The following PIGC variants were observed in gnomAD, a reference collection of about 807,000 sequenced individuals.
PIGC encodes phosphatidylinositol glycan anchor biosynthesis class C.
PIGC carries 14 observed loss-of-function variants against 20.9 expected under a neutral mutation model. That is an observed-to-expected ratio of 0.67 (90% CI 0.44 to 1.05). PIGC has a LOEUF of 1.05. Among genes scored for constraint, PIGC ranks in the 50% least tolerant of loss-of-function variants. PIGC has a pLI of 0.00. For synonymous variants in PIGC, 132 were observed against 141.4 expected (o/e 0.93, Z 0.47); for missense variants, 310 against 360.9 (o/e 0.86, Z 1.14).
At position 172,441,697 on chromosome 1, in the gene PIGC, G is replaced by A. The variant is rs1647321240; in HGVS notation, c.*32C>T. The A allele has an allele frequency of 2.0e-5, 30 of 1,500,200 alleles. No homozygotes were observed. Among genetic ancestry groups the A allele is most frequent in the Non-Finnish European group, 2.7e-5 (30 of 1,119,360 alleles). 92.9% of individuals were successfully genotyped at this position (1,500,200 alleles called of 1,614,324 possible). ...TACTAGTTAGGAGGCTAATCTATCA[G>A]CTTGCTTTAATAATGTAATGGATGT... On this transcript the variant is annotated 3_prime_UTR_variant, in exon 2 of 2. Coordinates refer to ENST00000344529, the MANE Select transcript of PIGC (RefSeq NM_153747.2).
rs200105210 is a variant in PIGC, at chr1:172,442,178, T to C, written c.445A>G (p.Ile149Val). ...TLTESVSTDT[I>V]YAMSVFMLLG... ...AGCATGAAGACTGACATGGCATAGATGGTGTCAGTGCTGACAGACTCTGTA... is the reference window on the plus strand; with the variant it reads ...AGCATGAAGACTGACATGGCATAGACGGTGTCAGTGCTGACAGACTCTGTA... Residue 149 changes from isoleucine (I) to valine (V), a missense_variant, in exon 2 of 2, where the codon ATC (isoleucine) becomes GTC (valine). Ile to Val is a conservative substitution (Grantham distance 29). Transcript: ENST00000344529. 2.8e-4 allele frequency: 453 copies of C among 1,613,800 alleles called. 1 individual carries two copies. The highest frequency in any genetic ancestry group is 3.5e-4 in the Non-Finnish European group (417 of 1,179,770).
At chr1:172,443,532 C>G (rs1353975814) in intron 1 of PIGC, 1 of 167,030 alleles carries the variant, frequency 6.0e-6, no homozygotes, top group Non-Finnish European at 1.5e-5. Flanking sequence ...CAAGGAAACT[C>G]TTGAGAGGAT....
rs2149169339 is a variant in PIGC at position 172,442,113 on chromosome 1, A to G, written c.510T>C (p.Ala170=). 1 of 1,614,236 alleles carries G rather than the reference A, an allele frequency of 6.2e-7. No individual in the cohort carries two copies. The highest frequency in any genetic ancestry group is 2.2e-5 in the East Asian group (1 of 44,894). Residue 170 remains alanine (A), a synonymous_variant, in exon 2 of 2, where the codon GCT becomes GCC. Coordinates refer to ENST00000344529, the MANE Select transcript of PIGC (RefSeq NM_153747.2). ...HLIFFDYGAN[A]AIVSSTLSLN... The stretch of plus-strand genomic sequence containing the variant: ...AGGATAGTGTGCTGGATACAATGGC[A>G]GCATTGGCACCATAGTCAAAAAAGA...
intron 1 of PIGC, 199 bp downstream of exon 1, chr1:172,443,789 G>A (rs568953432): frequency 6.2e-4 from 138 of 223,790 alleles, no homozygotes; most frequent in African/African-American, 2.6e-3. Context: ...GGCAGCGCCC[G>A]CCCGCAGAGT....
chr1:172,441,720 T>G lies in PIGC; in HGVS notation c.*9A>C. 1 of 1,529,326 alleles carries G rather than the reference T, an allele frequency of 6.5e-7. No homozygotes were observed. 94.7% of individuals were successfully genotyped at this position (1,529,326 alleles called of 1,614,324 possible). On this transcript the variant is annotated 3_prime_UTR_variant, in exon 2 of 2. Coordinates refer to ENST00000344529, the MANE Select transcript of PIGC (RefSeq NM_153747.2). ...CAGCTTGCTTTAATAATGTAATGGA[T>G]GTCCTAATTTAACTGAGGAACCTGG...
chr1:172,441,870 G>A lies in PIGC; in HGVS notation c.753C>T (p.Ala251=), dbSNP rs570199820. Residue 251 remains alanine (A), a synonymous_variant, in exon 2 of 2, where the codon GCC becomes GCT. Coordinates refer to ENST00000344529, the MANE Select transcript of PIGC (RefSeq NM_153747.2). ...GGLLSISAVG[A]VLFALLLMSI... ...ACATCAGCAGAAGGGCAAAGAGTAC[G>A]GCTCCCACAGCACTAATGGACAGTA... is the stretch of plus-strand genomic sequence containing the variant. 8 of 1,614,134 alleles carry A rather than the reference G, an allele frequency of 5.0e-6. No individual in the cohort carries two copies. Among genetic ancestry groups the A allele is most frequent in the African/African-American group, 2.7e-5 (2 of 75,008 alleles).
chr1:172,441,697 G>T lies in PIGC; in HGVS notation c.*32C>A. The T allele has an allele frequency of 6.7e-7, 1 of 1,500,318 alleles. No individual in the cohort carries two copies. The highest frequency in any genetic ancestry group is 8.9e-7 in the Non-Finnish European group (1 of 1,119,352). 92.9% of individuals were successfully genotyped at this position (1,500,318 alleles called of 1,614,324 possible). ...TACTAGTTAGGAGGCTAATCTATCA[G>T]CTTGCTTTAATAATGTAATGGATGT... On this transcript the variant is annotated 3_prime_UTR_variant, in exon 2 of 2. Coordinates refer to ENST00000344529, the MANE Select transcript of PIGC (RefSeq NM_153747.2).
chr1:172,443,871 G>C (rs1286812607), intron 1 of PIGC, 117 bp downstream of exon 1: 1 of 756,426 alleles, frequency 1.3e-6, no homozygotes, highest in Non-Finnish European at 1.6e-6. Context: ...ACCCCATTTG[G>C]CTTTTTGGGT....
At chr1:172,443,030 T>C (rs1216090254) in intron 1 of PIGC, 200 bp from the exon 2 acceptor site, 2 of 183,368 alleles carry the variant, frequency 1.1e-5, no homozygotes, top group South Asian at 1.5e-4. Context: ...CTATCGCTTA[T>C]TGAGTACCTA....
chr1:172,441,566 C>T lies in PIGC; in HGVS notation c.*163G>A, dbSNP rs910824165. 1.2e-5 allele frequency: 7 copies of T among 567,144 alleles called. No individual in the cohort carries two copies. Among genetic ancestry groups the T allele is most frequent in the Non-Finnish European group, 2.1e-5 (7 of 337,662 alleles). The allele number at this position is 567,144 out of a possible 1,614,324, so 35.1% of individuals were successfully genotyped here. ...TCTACAAAATAACAGAAAGGATAAG[C>T]ACCCTCACCACCCAAGCCTTTGGTT... On this transcript the variant is annotated 3_prime_UTR_variant, in exon 2 of 2. Transcript: ENST00000344529.
rs1193521235 is a variant in PIGC, at chr1:172,442,341, C to A, written c.282G>T (p.Leu94=). The A allele has an allele frequency of 5.6e-6, 9 of 1,613,072 alleles. No homozygotes were observed. In the African/African-American group the frequency reaches 9.3e-5, roughly 17 times the overall value. Residue 94 remains leucine, a synonymous_variant, in exon 2 of 2, where the codon CTG becomes CTT. Coordinates refer to ENST00000344529, the MANE Select transcript of PIGC (RefSeq NM_153747.2). ...TGAGATCAAACAAAACATACCCAAT[C>A]AGTGAAGAAGCCAGACCAGTCCCTA... ...WLLGTGLASS[L]IGYVLFDLID...
At position 172,442,613 on chromosome 1, in the gene PIGC, G is replaced by A; in HGVS notation, c.10C>T (p.Gln4Ter). Residue 4 changes from glutamine (Q) to a stop codon, truncating the protein, a stop_gained, in exon 2 of 2, where the codon CAA becomes TAA. Transcript: ENST00000344529. LOFTEE classifies it high-confidence loss of function. ...ACCTCCTTGGTGTTAGTCACAGGTT[G>A]AGCATACATTATCCTTTCATTCAAA... MYA[Q>*]PVTNTKEVKW... The A allele has an allele frequency of 1.2e-6, 2 of 1,611,206 alleles. No homozygotes were observed. The highest frequency in any genetic ancestry group is 1.1e-5 in the South Asian group (1 of 91,012).
chr1:172,442,605 C>A lies in PIGC; in HGVS notation c.18G>T (p.Val6=). MYAQP[V]TNTKEVKWQK... ...GCCACTTGACCTCCTTGGTGTTAGT[C>A]ACAGGTTGAGCATACATTATCCTTT... Residue 6 remains valine (V), a synonymous_variant, in exon 2 of 2, where the codon GTG becomes GTT. Coordinates refer to ENST00000344529, the MANE Select transcript of PIGC (RefSeq NM_153747.2). 1 of 1,613,082 alleles carries A rather than the reference C, an allele frequency of 6.2e-7. No homozygotes were observed. The highest frequency in any genetic ancestry group is 1.1e-5 in the South Asian group (1 of 91,038).
Position 172,442,356 on chromosome 1 carries a change from A to G in PIGC, c.267T>C (p.Gly89=), listed in dbSNP as rs2230471. The G allele has an allele frequency of 0.85, 1,367,867 of 1,612,940 alleles. 582,100 individuals are homozygous for G. Among genetic ancestry groups the G allele is most frequent in the East Asian group, 1 (44,854 of 44,880 alleles). ...CATACCCAATCAGTGAAGAAGCCAG[A>G]CCAGTCCCTAAAAGCCAATGGGGGG... ...LLAPHWLLGT[G]LASSLIGYVL... is the part of the protein sequence containing the mutation. The change falls in exon 2 of 2, where the codon GGT becomes GGC. Residue 89 remains glycine, a synonymous_variant. Transcript: ENST00000344529.
Position 172,441,849 on chromosome 1 carries a change from C to G in PIGC, c.774G>C (p.Leu258=). The change falls in exon 2 of 2, where the codon CTG becomes CTC. Residue 258 remains leucine, a synonymous_variant. Coordinates refer to ENST00000344529, the MANE Select transcript of PIGC (RefSeq NM_153747.2). ...AVGAVLFALL[L]MSISCLCPFY... ...ATGGACACAGACATGAGATAGACAT[C>G]AGCAGAAGGGCAAAGAGTACGGCTC... The G allele has an allele frequency of 1.2e-6, 2 of 1,614,146 alleles. No homozygotes were observed. Among genetic ancestry groups the G allele is most frequent in the Non-Finnish European group, 1.7e-6 (2 of 1,179,988 alleles).
chr1:172,444,041 C>T lies in PIGC; in HGVS notation c.-262G>A, dbSNP rs1391160408. 16 of 999,870 alleles carry T rather than the reference C, an allele frequency of 1.6e-5. No homozygotes were observed. Among genetic ancestry groups the T allele is most frequent in the African/African-American group, 7.0e-5 (4 of 57,258 alleles). The allele number at this position is 999,870 out of a possible 1,614,324, so 61.9% of individuals were successfully genotyped here. On this transcript the variant is annotated 5_prime_UTR_variant, in exon 1 of 2. Transcript: ENST00000344529. ...GGGACGGCGGCACCCAGCCTTTTTC[C>T]CGCTTCGGGGCGCCGGGGCTGCGAC...
At chr1:172,443,907 CT>C in intron 1 of PIGC, 80 bp downstream of exon 1, 1 of 967,910 alleles carries the variant, frequency 1.0e-6, no homozygotes, top group South Asian at 4.9e-5. Context: ...GCCGCCGCCC[CT>C]CACTCAGCCT....
At position 172,442,598 on chromosome 1, in the gene PIGC, T is replaced by C. The variant is rs1162722759; in HGVS notation, c.25A>G (p.Thr9Ala). 1.9e-6 allele frequency: 3 copies of C among 1,613,488 alleles called. No individual in the cohort carries two copies. The African/African-American group carries it at 4.0e-5, about 22-fold the overall frequency. MYAQPVTN[T>A]KEVKWQKVLY... ...ACCTTCTGCCACTTGACCTCCTTGG[T>C]GTTAGTCACAGGTTGAGCATACATT... Residue 9 changes from threonine (T) to alanine (A), a missense_variant, in exon 2 of 2, where the codon ACC becomes GCC. Transcript: ENST00000344529.
Position 172,442,590 on chromosome 1 carries a change from C to T in PIGC, c.33G>A (p.Glu11=), listed in dbSNP as rs775021932. MYAQPVTNTK[E]VKWQKVLYER... ...CATACAAGACCTTCTGCCACTTGAC[C>T]TCCTTGGTGTTAGTCACAGGTTGAG... The change falls in exon 2 of 2, where the codon GAG becomes GAA. Residue 11 remains glutamate, a synonymous_variant. Coordinates refer to ENST00000344529, the MANE Select transcript of PIGC (RefSeq NM_153747.2). 6.2e-7 allele frequency: 1 copy of T among 1,613,896 alleles called. No individual in the cohort carries two copies. Among genetic ancestry groups the T allele is most frequent in the South Asian group, 1.1e-5 (1 of 91,070 alleles).
Sources: gnomAD v4.1 joint callset for allele counts on GRCh38, gnomAD v4.1.1 for gene constraint, MANE v1.5 for transcripts, NCBI Gene and HGNC (gene_info 2026-07-23, HGNC 2026-07-21) for gene names.